EIF4G3: variants seen among roughly 807,000 people sequenced by gnomAD.
EIF4G3 encodes eukaryotic translation initiation factor 4 gamma 3.
Under a neutral mutation model 186.4 loss-of-function variants are expected in EIF4G3, and 34 were observed. The observed-to-expected ratio is 0.18, with a 90% CI of 0.14 to 0.24. The LOEUF (loss-of-function observed/expected upper bound fraction) is 0.24, where lower values mean the gene tolerates loss of function less well. Among genes scored for constraint, EIF4G3 ranks in the 10% least tolerant of loss-of-function variants. The pLI is 1.00. For synonymous variants in EIF4G3, 673 were observed against 679.5 expected (o/e 0.99, Z 0.15); for missense variants, 1,536 against 1,948.5 (o/e 0.79, Z 3.99).
At chr1:21,111,697 C>G (rs928135564) in intron 2 of EIF4G3, 5 of 158,584 alleles carry the variant, frequency 3.2e-5, no homozygotes, top group African/African-American at 1.2e-4. Flanking sequence ...ATGCAATCTG[C>G]TACACATTTG....
intron 2 of EIF4G3, among the ~76,000 whole-genome samples, chr1:21,125,946 A>G (rs1016474347): frequency 2.0e-5 from 3 of 151,546 alleles, no homozygotes; most frequent in Non-Finnish European, 4.4e-5. Flanking sequence ...CCTCACGCCT[A>G]TAATCCCAGC....
intron 20 of EIF4G3, among the ~76,000 whole-genome samples, chr1:20,873,963 A>T (rs1317016048): frequency 6.6e-6 from 1 of 151,860 alleles, no homozygotes; most frequent in Non-Finnish European, 1.5e-5. Context: ...TTCCAGTGTT[A>T]TTTTGCTGAG....
chr1:21,147,745 C>A (rs2097474635), intron 2 of EIF4G3, among the ~76,000 whole-genome samples: 1 of 152,050 alleles, frequency 6.6e-6, no homozygotes, highest in Admixed American at 6.6e-5. Context: ...AAAAAATAAG[C>A]CTTACAAGTA....
At chr1:21,141,012 A>G (rs2097328200) in intron 2 of EIF4G3, among the ~76,000 whole-genome samples, 1 of 152,226 alleles carries the variant, frequency 6.6e-6, no homozygotes, top group Non-Finnish European at 1.5e-5. Context: ...TGAGAAAATT[A>G]TATTATAATC....
chr1:21,171,411 T>C (rs1437325263), intron 2 of EIF4G3, among the ~76,000 whole-genome samples: 2 of 152,158 alleles, frequency 1.3e-5, no homozygotes, highest in South Asian at 2.1e-4. Flanking sequence ...CCTTATTTTA[T>C]GGTCTCCCAC....
At position 20,864,472 on chromosome 1, in the gene EIF4G3, T is replaced by C; in HGVS notation, c.3006+4A>G. ...CGAAGGTTTCTGAGCTTTTGGATTT[T>C]TACCTTTGCTTTTTCAAAGTCCAAG... On this transcript the variant is annotated splice_donor_region_variant and intron_variant, in intron 22 of 36. Coordinates refer to ENST00000602326, the MANE Select transcript of EIF4G3 (RefSeq NM_001391906.1). 6.2e-7 allele frequency: 1 copy of C among 1,611,706 alleles called. No homozygotes were observed. The highest frequency in any genetic ancestry group is 8.5e-7 in the Non-Finnish European group (1 of 1,178,868).
At chr1:20,819,260 T>C in intron 33 of EIF4G3, among the ~76,000 whole-genome samples, 2 of 151,758 alleles carry the variant, frequency 1.3e-5, no homozygotes, top group South Asian at 4.1e-4. Flanking sequence ...ATAAACATTT[T>C]TATATATTCA....
chr1:20,858,903 A>G (rs2075708298), intron 24 of EIF4G3, among the ~76,000 whole-genome samples: 1 of 152,212 alleles, frequency 6.6e-6, no homozygotes, highest in African/African-American at 2.4e-5. Context: ...AGGCTGAGGC[A>G]GAGAACTGCT....
chr1:21,118,917 G>A, intron 2 of EIF4G3, among the ~76,000 whole-genome samples: 1 of 104,732 alleles, frequency 9.5e-6, no homozygotes, highest in African/African-American at 3.9e-5. Context: ...AACATACTGA[G>A]AACCAAGCTC....
At chr1:21,166,111 C>CTTTTTTTTTTTTTTTT (rs2097850632) in intron 2 of EIF4G3, among the ~76,000 whole-genome samples, 1 of 123,626 alleles carries the variant, frequency 8.1e-6, no homozygotes, top group Non-Finnish European at 1.8e-5. Context: ...TAGTCTTAAA[C>CTTTTTTTTTTTTTTTT]TCTTTTTTTT....
At chr1:20,969,625 AC>A in intron 11 of EIF4G3, 29 bp from the exon 12 acceptor site, 1 of 1,607,702 alleles carries the variant, frequency 6.2e-7, no homozygotes, top group Non-Finnish European at 8.5e-7. Flanking sequence ...TGACATATGT[AC>A]AGATGAGTGT....
chr1:20,981,933 TTAAAAGTAGCCTCC>T (rs1321776548), intron 8 of EIF4G3, among the ~76,000 whole-genome samples: 1 of 152,106 alleles, frequency 6.6e-6, no homozygotes, highest in African/African-American at 2.4e-5. Flanking sequence ...TCATTAAAAA[TTAAAAGTAGCCTCC>T]TAAAAGACTG....
chr1:21,114,162 T>C (rs1347444030), intron 2 of EIF4G3, among the ~76,000 whole-genome samples: 4 of 152,058 alleles, frequency 2.6e-5, no homozygotes, highest in Admixed American at 2.6e-4. Flanking sequence ...TTTTTTTTTT[T>C]CCTTGAGACG....
At chr1:21,132,878 G>A (rs1261756099) in intron 2 of EIF4G3, among the ~76,000 whole-genome samples, 1 of 152,046 alleles carries the variant, frequency 6.6e-6, no homozygotes, top group Non-Finnish European at 1.5e-5. Flanking sequence ...CGCCTCCCAG[G>A]TTCAAGAGAT....
chr1:21,173,595 T>C (rs530432930), intron 2 of EIF4G3, among the ~76,000 whole-genome samples: 6 of 151,970 alleles, frequency 3.9e-5, no homozygotes, highest in East Asian at 3.9e-4. Context: ...GGCTGAGGCA[T>C]GAGAATGGCT....
At chr1:21,164,464 T>C (rs920197235) in intron 2 of EIF4G3, among the ~76,000 whole-genome samples, 4 of 152,156 alleles carry the variant, frequency 2.6e-5, no homozygotes, top group African/African-American at 9.7e-5. Flanking sequence ...GGGTGGCTGA[T>C]GTCTGTAATT....
At chr1:20,909,131 G>A (rs1461360221) in intron 14 of EIF4G3, among the ~76,000 whole-genome samples, 1 of 150,972 alleles carries the variant, frequency 6.6e-6, no homozygotes, top group Non-Finnish European at 1.5e-5. Context: ...CAGCCTGGGC[G>A]ATCGAGCAAG....
chr1:20,858,913 T>C (rs1160860838), intron 24 of EIF4G3, among the ~76,000 whole-genome samples: 1 of 152,168 alleles, frequency 6.6e-6, no homozygotes, highest in Non-Finnish European at 1.5e-5. Context: ...AGAGAACTGC[T>C]TGAATCCGGG....
intron 2 of EIF4G3, among the ~76,000 whole-genome samples, chr1:21,149,477 C>T (rs2097516590): frequency 2.0e-5 from 3 of 152,092 alleles, no homozygotes; most frequent in Admixed American, 2.0e-4. Flanking sequence ...TGTGTTACTG[C>T]CTATCCAGAT....
Sources: allele counts gnomAD v4.1 joint callset (sites outside exome capture counted in the v4.1 genomes callset), GRCh38; gene constraint gnomAD v4.1.1; transcripts MANE v1.5; gene names NCBI Gene and HGNC (gene_info 2026-07-23, HGNC 2026-07-21).